Variants in SDK1 observed in about 807,000 individuals in gnomAD.
SDK1 encodes the protein sidekick cell adhesion molecule 1.
SDK1 carries 157 observed loss-of-function variants against 245.5 expected under a neutral mutation model. That is an observed-to-expected ratio of 0.64 (90% confidence interval 0.56 to 0.73). The LOEUF (loss-of-function observed/expected upper bound fraction) is 0.73, where lower values mean the gene tolerates loss of function less well. Among genes scored for constraint, SDK1 ranks in the 30% least tolerant of loss-of-function variants. The probability of loss-of-function intolerance (pLI) is 0.00; values close to 1 mark genes in which losing one functional copy is unlikely to be tolerated. For synonymous variants in SDK1, 1,647 were observed against 1,278.5 expected (o/e 1.29, Z -6.15); for missense variants, 3,583 against 3,002.3 (o/e 1.19, Z -4.52).
chr7:4,017,126 G>A (rs773005660), intron 16 of SDK1, 45 bp from the exon 17 acceptor site: 14 of 1,543,294 alleles, frequency 9.1e-6, no homozygotes, highest in South Asian at 2.5e-5. Context: ...ACCGTTCCTG[G>A]GTCCAGTTAT....
rs1293566154 is a variant in SDK1, at chr7:3,370,203, A to C, written c.298+68319A>C. Among the ~76,000 whole-genome samples the C allele has an allele frequency of 2.0e-5, 3 of 152,194 alleles. No homozygotes were observed. The East Asian group carries it at 5.8e-4, about 29-fold the overall frequency. On this transcript the variant is annotated intron_variant, in intron 1 of 44. Coordinates refer to ENST00000404826, the MANE Select transcript of SDK1 (RefSeq NM_152744.4). The stretch of plus-strand genomic sequence containing the variant: ...CCTCAGAACTAAAGAGGTTTCATGA[A>C]TACATAGGTTTTCAGTACAGTCTCC...
intron 1 of SDK1, among the ~76,000 whole-genome samples, chr7:3,493,781 A>C (rs534491427): frequency 6.6e-6 from 1 of 152,196 alleles, no homozygotes; most frequent in Non-Finnish European, 1.5e-5. Flanking sequence ...TCTATGACTT[A>C]TGGAACATTG....
chr7:4,153,063 G>C (rs1441829545), intron 30 of SDK1, among the ~76,000 whole-genome samples: 1 of 152,032 alleles, frequency 6.6e-6, no homozygotes, highest in Non-Finnish European at 1.5e-5. Flanking sequence ...GCGGGCTCAG[G>C]GGGTGGCTGT....
chr7:3,966,038 G>A (rs1583660567), intron 9 of SDK1, among the ~76,000 whole-genome samples: 2 of 152,022 alleles, frequency 1.3e-5, no homozygotes, highest in South Asian at 2.1e-4. Context: ...GGAGCTGCGA[G>A]CAAGCAGAGA....
intron 17 of SDK1, among the ~76,000 whole-genome samples, chr7:4,043,073 G>A (rs769901255): frequency 7.9e-5 from 12 of 152,018 alleles, no homozygotes; most frequent in Non-Finnish European, 1.6e-4. Context: ...GTCAGGCTCC[G>A]AATCTGACAC....
intron 22 of SDK1, among the ~76,000 whole-genome samples, chr7:4,082,405 C>T (rs1316172820): frequency 6.6e-6 from 1 of 151,842 alleles, no homozygotes; most frequent in East Asian, 2.0e-4. Flanking sequence ...CATGGTGGCG[C>T]ACGTCTGTAA....
chr7:3,417,959 C>T (rs931195948), intron 1 of SDK1, among the ~76,000 whole-genome samples: 2 of 151,860 alleles, frequency 1.3e-5, no homozygotes, highest in Non-Finnish European at 2.9e-5. Context: ...TACTCATTTA[C>T]GCAACATTGG....
intron 22 of SDK1, among the ~76,000 whole-genome samples, chr7:4,106,295 T>A (rs968669693): frequency 1.3e-5 from 2 of 148,874 alleles, no homozygotes; most frequent in African/African-American, 5.1e-5. Flanking sequence ...CCCCCGTTTC[T>A]TTTTTTTCTT....
chr7:4,158,432 C>G lies in SDK1; in HGVS notation c.4626-16C>G. On this transcript the variant is annotated splice_polypyrimidine_tract_variant and intron_variant, in intron 30 of 44. Transcript: ENST00000404826. Reference sequence around the variant, plus strand: ...GTGGCAGGGCCCCGGCAGTCACGGTCTCTTCCACATTGCAGACTGAGGCCC... The same window carrying G: ...GTGGCAGGGCCCCGGCAGTCACGGTGTCTTCCACATTGCAGACTGAGGCCC... The G allele has an allele frequency of 4.4e-6, 7 of 1,605,736 alleles. No individual in the cohort carries two copies. In the East Asian group the frequency reaches 1.6e-4, roughly 36 times the overall value.
rs147319300 is a variant in SDK1, at chr7:3,793,459, G to T, written c.714-27991G>T. ...GCTGAATATTTCAGTGCACAATGACGGTGGCTTTCAGCTCATGAAAGGCTT... is the reference window on the plus strand; with the variant it reads ...GCTGAATATTTCAGTGCACAATGACTGTGGCTTTCAGCTCATGAAAGGCTT... On this transcript the variant is annotated intron_variant, in intron 4 of 44. Transcript: ENST00000404826. Among the ~76,000 whole-genome samples the T allele has an allele frequency of 6.7e-3, 1,026 of 152,156 alleles. 6 individuals are homozygous for T. The highest frequency in any genetic ancestry group is 0.011 in the Non-Finnish European group (758 of 68,010).
chr7:4,162,369 G>GTTA (rs533484732), intron 32 of SDK1, among the ~76,000 whole-genome samples: 17,150 of 127,762 alleles, frequency 0.13, 1,343 homozygotes, highest in Non-Finnish European at 0.19. Context: ...TGTTGTTGTT[G>GTTA]TTATTATTAT....
chr7:3,903,861 C>G (rs552320758), intron 5 of SDK1, among the ~76,000 whole-genome samples: 7 of 152,212 alleles, frequency 4.6e-5, no homozygotes, highest in African/African-American at 1.4e-4. Flanking sequence ...AGTTCTTGCC[C>G]TATTGGTTCC....
At chr7:3,808,243 T>C (rs1345109465) in intron 4 of SDK1, among the ~76,000 whole-genome samples, 1 of 152,128 alleles carries the variant, frequency 6.6e-6, no homozygotes, top group African/African-American at 2.4e-5. Context: ...AGAAGCTTTG[T>C]AGAGAAGAAG....
At chr7:4,186,216 G>A (rs373372274) in intron 35 of SDK1, among the ~76,000 whole-genome samples, 13 of 152,312 alleles carry the variant, frequency 8.5e-5, no homozygotes, top group Middle Eastern at 3.4e-3. Flanking sequence ...CAGATGTGTC[G>A]TGGGGACACT....
intron 4 of SDK1, among the ~76,000 whole-genome samples, chr7:3,766,451 A>G (rs929777894): frequency 5.9e-5 from 9 of 152,182 alleles, no homozygotes; most frequent in Admixed American, 5.2e-4. Flanking sequence ...TACACCAGTC[A>G]CTTCCTTGTA....
intron 25 of SDK1, among the ~76,000 whole-genome samples, chr7:4,124,931 G>GATGGATGGGTGGGTAGATGC (rs1308757877): frequency 7.3e-6 from 1 of 136,558 alleles, no homozygotes; most frequent in Non-Finnish European, 1.5e-5. Flanking sequence ...TGGGTAGATG[G>GATGGATGGGTGGGTAGATGC]ATGGATAGAT....
At chr7:3,884,027 A>G (rs987963805) in intron 5 of SDK1, among the ~76,000 whole-genome samples, 1 of 151,504 alleles carries the variant, frequency 6.6e-6, no homozygotes, top group Non-Finnish European at 1.5e-5. Flanking sequence ...ACACAATGTC[A>G]TTCTAAGTGA....
intron 4 of SDK1, among the ~76,000 whole-genome samples, chr7:3,655,728 A>T (rs1783162555): frequency 6.6e-6 from 1 of 151,870 alleles, no homozygotes; most frequent in African/African-American, 2.4e-5. Context: ...TTGGATGAAT[A>T]TATAAATAAT....
intron 35 of SDK1, among the ~76,000 whole-genome samples, chr7:4,192,077 A>T (rs1479911235): frequency 1.3e-5 from 2 of 152,156 alleles, no homozygotes; most frequent in Non-Finnish European, 2.9e-5. Context: ...TAGATAGGGA[A>T]ATCTCAAGCA....
Sources: gnomAD v4.1 joint callset for allele counts (sites outside exome capture counted in the v4.1 genomes callset) on GRCh38, gnomAD v4.1.1 for gene constraint, MANE v1.5 for transcripts, NCBI Gene and HGNC (gene_info 2026-07-23, HGNC 2026-07-21) for gene names.